FHIT: variants seen among roughly 807,000 people sequenced by gnomAD.
FHIT encodes fragile histidine triad diadenosine triphosphatase.
A neutral mutation model predicts 17.9 loss-of-function variants in FHIT; 19 were observed. The ratio of observed to expected loss-of-function variants is 1.06; its 90% CI spans 0.74 to 1.56. The LOEUF (loss-of-function observed/expected upper bound fraction) is 1.56. FHIT is among the 40% of genes most tolerant of loss of function. The pLI is 0.00. For missense variants in FHIT, 248 were observed against 189.2 expected, an observed-to-expected ratio of 1.31 and a Z score of -1.82; for synonymous variants, 81 against 69.7, an observed-to-expected ratio of 1.16 and a Z score of -0.81.
rs146449283 is a variant in FHIT, at chr3:60,811,789, T to A, written c.-18+10130A>T. Among the ~76,000 whole-genome samples the A allele has an allele frequency of 2.6e-5, 4 of 152,116 alleles. No individual in the cohort carries two copies. The South Asian group carries it at 8.3e-4, about 32-fold the overall frequency. ...TAGCCTTCTAGTTACGAGGAAAAAA[T>A]ATGGAAGCTTCAGGGTCCTTATTTC... On this transcript the variant is annotated intron_variant, in intron 4 of 9. Transcript: ENST00000492590.
At chr3:60,704,380 C>T (rs572138512) in intron 4 of FHIT, among the ~76,000 whole-genome samples, 2 of 151,966 alleles carry the variant, frequency 1.3e-5, no homozygotes, top group African/African-American at 4.8e-5. Flanking sequence ...ATTATTTTTC[C>T]CCCACACCTG....
intron 5 of FHIT, among the ~76,000 whole-genome samples, chr3:60,319,951 A>G (rs1709346913): frequency 6.6e-6 from 1 of 152,164 alleles, no homozygotes; most frequent in Non-Finnish European, 1.5e-5. Flanking sequence ...AAGAGGATGC[A>G]CAATAGCAGC....
chr3:60,519,865 G>T (rs1399568369), intron 5 of FHIT, among the ~76,000 whole-genome samples: 1 of 152,092 alleles, frequency 6.6e-6, no homozygotes, highest in Non-Finnish European at 1.5e-5. Flanking sequence ...TGAGAACCAT[G>T]AGAGATCACT....
At chr3:60,824,562 TGGACATAAGAAAA>T (rs1702046582) in intron 3 of FHIT, among the ~76,000 whole-genome samples, 2 of 152,282 alleles carry the variant, frequency 1.3e-5, no homozygotes, top group South Asian at 4.1e-4. Context: ...CAATGGACCA[TGGACATAAGAAAA>T]GCAGCTCAAC....
chr3:60,192,785 A>G (rs1027450797), intron 5 of FHIT, among the ~76,000 whole-genome samples: 1 of 152,184 alleles, frequency 6.6e-6, no homozygotes, highest in Admixed American at 6.5e-5. Context: ...AGCAGAACTG[A>G]TAACTACAGG....
intron 5 of FHIT, among the ~76,000 whole-genome samples, chr3:60,089,217 A>G (rs775141536): frequency 1.3e-5 from 2 of 152,228 alleles, no homozygotes; most frequent in Non-Finnish European, 2.9e-5. Context: ...AGGTCTTAAC[A>G]AACACAAGTG....
At chr3:59,836,324 A>G (rs1009001774) in intron 8 of FHIT, among the ~76,000 whole-genome samples, 3 of 152,196 alleles carry the variant, frequency 2.0e-5, no homozygotes, top group Non-Finnish European at 4.4e-5. Flanking sequence ...GAAGAAAATG[A>G]GCCACACTAT....
At chr3:60,530,375 G>C (rs1305517887) in intron 5 of FHIT, among the ~76,000 whole-genome samples, 1 of 152,170 alleles carries the variant, frequency 6.6e-6, no homozygotes, top group African/African-American at 2.4e-5. Flanking sequence ...CCAGGGCAAA[G>C]TGCACAAAGT....
chr3:60,544,366 A>T (rs1347030992), intron 4 of FHIT, among the ~76,000 whole-genome samples: 1 of 151,966 alleles, frequency 6.6e-6, no homozygotes, highest in Admixed American at 6.6e-5. Context: ...TTTTAAAAAA[A>T]ATTGGTTTTA....
chr3:60,239,746 T>C (rs213389), intron 5 of FHIT, among the ~76,000 whole-genome samples: 86,435 of 151,978 alleles, frequency 0.57, 25,473 homozygotes, highest in East Asian at 0.84. Flanking sequence ...CCAATTCTCA[T>C]TTAATGAATA....
chr3:59,852,528 T>A (rs975604990), intron 8 of FHIT, among the ~76,000 whole-genome samples: 7 of 152,186 alleles, frequency 4.6e-5, no homozygotes, highest in Non-Finnish European at 8.8e-5. Flanking sequence ...CAAGGACATA[T>A]CACCCAAAGT....
At chr3:60,486,554 C>T (rs1026968035) in intron 5 of FHIT, among the ~76,000 whole-genome samples, 2 of 152,104 alleles carry the variant, frequency 1.3e-5, no homozygotes, top group African/African-American at 2.4e-5. Context: ...CATTGCATAC[C>T]ATCAGTTCTT....
chr3:59,905,906 A>T (rs2107109306), intron 8 of FHIT, among the ~76,000 whole-genome samples: 1 of 152,368 alleles, frequency 6.6e-6, no homozygotes, highest in Non-Finnish European at 1.5e-5. Flanking sequence ...ATTTACAAAA[A>T]AAACCCCTCA....
At chr3:60,711,553 G>C (rs745639814) in intron 4 of FHIT, among the ~76,000 whole-genome samples, 43 of 152,206 alleles carry the variant, frequency 2.8e-4, no homozygotes, top group Non-Finnish European at 4.7e-4. Flanking sequence ...TGTATAACTA[G>C]AATAACCAAT....
At chr3:60,738,877 C>A (rs1577142173) in intron 4 of FHIT, among the ~76,000 whole-genome samples, 1 of 152,264 alleles carries the variant, frequency 6.6e-6, no homozygotes, top group South Asian at 2.1e-4. Context: ...TGTTTTTGTA[C>A]CCAAACGGTT....
At chr3:59,907,234 C>T (rs1704624949) in intron 8 of FHIT, among the ~76,000 whole-genome samples, 1 of 152,194 alleles carries the variant, frequency 6.6e-6, no homozygotes, top group South Asian at 2.1e-4. Context: ...TCAGAGACCA[C>T]CATCCCATGT....
At chr3:59,980,401 A>G (rs1421136607) in intron 7 of FHIT, among the ~76,000 whole-genome samples, 1 of 152,178 alleles carries the variant, frequency 6.6e-6, no homozygotes, top group African/African-American at 2.4e-5. Flanking sequence ...AAGAGTCCCC[A>G]GTTTTGCCCA....
chr3:60,032,660 A>G (rs1231012419), intron 5 of FHIT, among the ~76,000 whole-genome samples: 1 of 152,178 alleles, frequency 6.6e-6, no homozygotes, highest in Non-Finnish European at 1.5e-5. Flanking sequence ...GGACATCCAG[A>G]CATTATGCCT....
rs181847817 is a variant in FHIT, at chr3:59,749,549, C to T, written c.*36G>A. The stretch of plus-strand genomic sequence containing the variant: ...GTCTTCAAACTGGTTGGCAATAGCT[C>T]TTTTGCTGGAATTCAGGATCTGAAA... On this transcript the variant is annotated 3_prime_UTR_variant, in exon 10 of 10. Coordinates refer to ENST00000492590, the MANE Select transcript of FHIT (RefSeq NM_002012.4). The T allele has an allele frequency of 8.9e-4, 205 of 231,336 alleles. 1 individual carries two copies. Among genetic ancestry groups the T allele is most frequent in the African/African-American group, 4.0e-3 (183 of 45,242 alleles). The allele number at this position is 231,336 out of a possible 1,614,324, so 14.3% of individuals were successfully genotyped here. A position where few individuals can be genotyped will look rare whatever the true frequency, so the allele number is the denominator to read the frequency against.
Sources: gnomAD v4.1 joint callset for allele counts (sites outside exome capture counted in the v4.1 genomes callset) on GRCh38, gnomAD v4.1.1 for gene constraint, MANE v1.5 for transcripts, NCBI Gene and HGNC (gene_info 2026-07-23, HGNC 2026-07-21) for gene names.